NRXN1: variants seen among roughly 807,000 people sequenced by gnomAD.
The protein encoded by NRXN1 is neurexin 1, also known as neurexin-1.
A neutral mutation model predicts 150.9 loss-of-function variants in NRXN1; 39 were observed. The ratio of observed to expected loss-of-function variants is 0.26; its 90% CI spans 0.20 to 0.34. The LOEUF is 0.34. NRXN1 is among the 10% of genes least tolerant of loss of function. The pLI, the probability that NRXN1 is intolerant of heterozygous loss-of-function variation, is 1.00. For synonymous variants in NRXN1, 924 were observed against 757.0 expected (o/e 1.22, Z -3.62); for missense variants, 1,815 against 1,949.9 (o/e 0.93, Z 1.30).
intron 19 of NRXN1, among the ~76,000 whole-genome samples, chr2:50,067,599 C>T (rs1695557983): frequency 6.6e-6 from 1 of 152,180 alleles, no homozygotes; most frequent in African/African-American, 2.4e-5. Flanking sequence ...AAAGGTCATA[C>T]TCTGTTATCA....
At chr2:50,592,362 G>C (rs1158809843) in intron 8 of NRXN1, among the ~76,000 whole-genome samples, 1 of 152,178 alleles carries the variant, frequency 6.6e-6, no homozygotes. Flanking sequence ...CATCAATCCA[G>C]CACATAAACT....
chr2:50,066,551 G>T (rs1163070891), intron 19 of NRXN1, among the ~76,000 whole-genome samples: 1 of 151,904 alleles, frequency 6.6e-6, no homozygotes, highest in East Asian at 1.9e-4. Context: ...TCCTCAAAAG[G>T]TTGACAATTG....
At chr2:50,088,375 C>A (rs1055921464) in intron 19 of NRXN1, among the ~76,000 whole-genome samples, 1 of 152,218 alleles carries the variant, frequency 6.6e-6, no homozygotes, top group African/African-American at 2.4e-5. Context: ...AATGGTGACT[C>A]CCCTGAGTTC....
intron 18 of NRXN1, among the ~76,000 whole-genome samples, chr2:50,182,992 A>G (rs1359631634): frequency 6.6e-6 from 1 of 152,050 alleles, no homozygotes; most frequent in South Asian, 2.1e-4. Context: ...TCATTCTAAC[A>G]ATGTATACAT....
At chr2:50,254,944 C>G (rs2067548638) in intron 17 of NRXN1, among the ~76,000 whole-genome samples, 1 of 151,982 alleles carries the variant, frequency 6.6e-6, no homozygotes, top group Non-Finnish European at 1.5e-5. Context: ...ATAGCTGGGT[C>G]TACAGGCGCA....
At chr2:50,952,542 T>C (rs1226347808) in intron 2 of NRXN1, among the ~76,000 whole-genome samples, 1 of 152,280 alleles carries the variant, frequency 6.6e-6, no homozygotes, top group East Asian at 1.9e-4. Context: ...CTGTAGGTGT[T>C]GGAGATATAG....
chr2:50,101,923 C>G (rs373633019), intron 18 of NRXN1, among the ~76,000 whole-genome samples: 2 of 151,986 alleles, frequency 1.3e-5, no homozygotes, highest in African/African-American at 2.4e-5. Context: ...AAGAGAAAAG[C>G]TGACAGTGCT....
intron 17 of NRXN1, among the ~76,000 whole-genome samples, chr2:50,325,256 A>G (rs1337607041): frequency 2.0e-5 from 3 of 152,220 alleles, no homozygotes; most frequent in Non-Finnish European, 4.4e-5. Context: ...CTAAGTAAAG[A>G]TGTAGACTGT....
chr2:50,510,719 T>C (rs939782341), intron 12 of NRXN1, among the ~76,000 whole-genome samples: 8 of 152,120 alleles, frequency 5.3e-5, no homozygotes, highest in African/African-American at 1.9e-4. Flanking sequence ...AATTATTAAG[T>C]CTCAAAGGCA....
intron 13 of NRXN1, among the ~76,000 whole-genome samples, chr2:50,498,390 T>C (rs998964607): frequency 8.5e-5 from 13 of 152,202 alleles, no homozygotes; most frequent in African/African-American, 3.1e-4. Context: ...CCTTTTTTTG[T>C]CCTTAAGTTT....
Position 50,086,599 on chromosome 2 carries a change from A to G in NRXN1, c.3718+4724T>C, listed in dbSNP as rs543825340. Among the ~76,000 whole-genome samples the G allele has an allele frequency of 1.2e-4, 19 of 152,296 alleles. No individual in the cohort carries two copies. The East Asian group carries it at 2.1e-3, about 17-fold the overall frequency. On this transcript the variant is annotated intron_variant, in intron 19 of 22. Transcript: ENST00000401669. ...ATCAAACTCGGCATTTTGAAAGTTA[A>G]TACATTTTATCTGACATGTTCAGGT...
chr2:50,160,553 A>T (rs1362877598), intron 18 of NRXN1, among the ~76,000 whole-genome samples: 1 of 152,068 alleles, frequency 6.6e-6, no homozygotes, highest in Non-Finnish European at 1.5e-5. Context: ...AAAAAAAAAA[A>T]TGGCTTTCTG....
At chr2:51,007,520 C>T (rs961947011) in intron 2 of NRXN1, among the ~76,000 whole-genome samples, 2 of 151,880 alleles carry the variant, frequency 1.3e-5, no homozygotes, top group Admixed American at 6.6e-5. Context: ...AACCATTATA[C>T]ACATCAAAAC....
chr2:50,421,003 T>C (rs1409379409), intron 17 of NRXN1, among the ~76,000 whole-genome samples: 1 of 149,054 alleles, frequency 6.7e-6, no homozygotes, highest in Admixed American at 6.7e-5. Context: ...TGTGTGTGTG[T>C]GTGTGTGTGT....
chr2:50,209,398 C>T (rs971322561), intron 18 of NRXN1, among the ~76,000 whole-genome samples: 1 of 152,142 alleles, frequency 6.6e-6, no homozygotes, highest in Admixed American at 6.6e-5. Context: ...AGGCCCTTCA[C>T]AGGCCTAGTT....
At chr2:50,932,107 G>A (rs1687835662) in intron 2 of NRXN1, among the ~76,000 whole-genome samples, 1 of 152,026 alleles carries the variant, frequency 6.6e-6, no homozygotes, top group Admixed American at 6.6e-5. Context: ...TTATAATCAG[G>A]CTGAGCACGG....
chr2:50,380,127 G>T (rs1218757985), intron 17 of NRXN1, among the ~76,000 whole-genome samples: 1 of 151,922 alleles, frequency 6.6e-6, no homozygotes, highest in South Asian at 2.1e-4. Flanking sequence ...TTTTCATTAA[G>T]AACTTGACTA....
At chr2:50,015,516 C>CAAA (rs34466037) in intron 21 of NRXN1, among the ~76,000 whole-genome samples, 5 of 31,322 alleles carry the variant, frequency 1.6e-4, no homozygotes, top group East Asian at 9.1e-4. Flanking sequence ...GGATTTCTGC[C>CAAA]AAAAAAAAAA....
At chr2:50,830,738 G>A (rs1347621992) in intron 5 of NRXN1, among the ~76,000 whole-genome samples, 1 of 148,974 alleles carries the variant, frequency 6.7e-6, no homozygotes, top group East Asian at 2.0e-4. Flanking sequence ...TCCTATAAGA[G>A]GTCTCATTTA....
Sources: gnomAD v4.1 joint callset for allele counts (sites outside exome capture counted in the v4.1 genomes callset) on GRCh38, gnomAD v4.1.1 for gene constraint, MANE v1.5 for transcripts, NCBI Gene and HGNC (gene_info 2026-07-23, HGNC 2026-07-21) for gene names.